Variants in PNPLA7 observed in about 807,000 individuals in gnomAD.
PNPLA7 encodes the protein patatin like domain 7, lysophospholipase, also known as patatin-like phospholipase domain-containing protein 7.
In PNPLA7, 153 loss-of-function variants were observed where a neutral mutation model predicts 161.7. That is an observed-to-expected ratio of 0.95 (90% CI 0.83 to 1.08). The LOEUF (loss-of-function observed/expected upper bound fraction) is 1.08, where lower values mean the gene tolerates loss of function less well. Ranked by LOEUF, PNPLA7 falls within the 50% of genes least tolerant of loss-of-function variation. The pLI is 0.00. For missense variants in PNPLA7, 1,739 were observed against 1,856.6 expected (o/e 0.94, Z 1.16); for synonymous variants, 809 against 782.1 (o/e 1.03, Z -0.57).
In PNPLA7 at chr9:137,479,032, G is replaced by A. The variant is rs1463875390; in HGVS notation, c.2763+24C>T. 6 of 1,535,400 alleles carry A rather than the reference G, an allele frequency of 3.9e-6. No homozygotes were observed. In the South Asian group the frequency reaches 4.8e-5, roughly 12 times the overall value. Reference sequence around the variant, plus strand: ...GAAATGAACCACGGAGCCACGGGCAGGCAGCCTCCTCTCCCCGCCTCACCA... The same window carrying A: ...GAAATGAACCACGGAGCCACGGGCAAGCAGCCTCCTCTCCCCGCCTCACCA... On this transcript the variant is annotated intron_variant, in intron 24 of 34. Transcript: ENST00000406427.
intron 1 of PNPLA7, among the ~76,000 whole-genome samples, chr9:137,549,854 T>G (rs1013706659): frequency 6.6e-6 from 1 of 151,560 alleles, no homozygotes; most frequent in African/African-American, 2.4e-5. Context: ...GAACTGGAAG[T>G]AGCAACTGTG....
intron 14 of PNPLA7, 64 bp from the exon 15 acceptor site, chr9:137,501,791 A>G: frequency 2.0e-6 from 3 of 1,515,640 alleles, no homozygotes; most frequent in Admixed American, 1.8e-5. Context: ...CAGAGAACAG[A>G]GGCTGCACTG....
chr9:137,461,811 A>G, intron 32 of PNPLA7, 120 bp downstream of exon 32: 11 of 1,250,750 alleles, frequency 8.8e-6, no homozygotes, highest in Non-Finnish European at 1.2e-5. Context: ...GTCTTTGGCC[A>G]GGGGGGCAGG....
intron 33 of PNPLA7, 67 bp from the exon 34 acceptor site, chr9:137,460,804 C>T (rs1831148245): frequency 1.3e-5 from 19 of 1,455,436 alleles, no homozygotes; most frequent in Non-Finnish European, 1.7e-5. Context: ...CATAGCCACA[C>T]TCAGAGGCAG....
In PNPLA7 at chr9:137,547,659, C is replaced by T; in HGVS notation, c.31G>A (p.Ala11Thr). ...AGGGCGGTGCCCAGGCAGAAGTCAGCCTGCAGCAGAGAGCATGGGGTCAGG... is the reference window on the plus strand; with the variant it reads ...AGGGCGGTGCCCAGGCAGAAGTCAGTCTGCAGCAGAGAGCATGGGGTCAGG... The part of the protein sequence containing the change: MEEEKDDSPQ[A>T]DFCLGTALHS... Residue 11 changes from alanine (A) to threonine (T), a missense_variant and splice_region_variant, in exon 2 of 35, where the codon GCT (alanine) becomes ACT (threonine). Around this residue, in one of 6 missense-constraint regions of PNPLA7, gnomAD observed 209 missense variants for 252.8 expected, o/e 0.83. Coordinates refer to ENST00000406427, the MANE Select transcript of PNPLA7 (RefSeq NM_001098537.3). This position sits in a 1 kb window ranked among gnomAD's most constrained non-coding sequence, Gnocchi z 4.6. 6.2e-7 allele frequency: 1 copy of T among 1,612,932 alleles called. No homozygotes were observed.
In PNPLA7 at chr9:137,479,144, T is replaced by C. The variant is rs944511877; in HGVS notation, c.2675A>G (p.Glu892Gly). The change falls in exon 24 of 35, where the codon GAG (glutamate) becomes GGG (glycine). Residue 892 changes from glutamate (E) to glycine (G), a missense_variant. Glu to Gly is a moderately conservative substitution (Grantham distance 98). This residue lies in a region of PNPLA7 where 703 missense variants were observed against 694.6 expected (regional missense o/e 1.01). Transcript: ENST00000406427. ...GCACCAGCTCCGCATGTTGAGCCACTCCACGGTGCGCGCTGGCGCCGGGCC... is the reference window on the plus strand; with the variant it reads ...GCACCAGCTCCGCATGTTGAGCCACCCCACGGTGCGCGCTGGCGCCGGGCC... ...EEGPAPARTV[E>G]WLNMRSWCSG... is the part of the protein sequence containing the mutation. The C allele has an allele frequency of 1.9e-6, 3 of 1,589,288 alleles. No individual in the cohort carries two copies. The African/African-American group carries it at 4.0e-5, about 21-fold the overall frequency.
In PNPLA7 at chr9:137,547,236, G is replaced by T. The variant is rs1051288844; in HGVS notation, c.193+73C>A. 5.5e-6 allele frequency: 8 copies of T among 1,443,562 alleles called. No homozygotes were observed. The highest frequency in any genetic ancestry group is 7.8e-6 in the Non-Finnish European group (8 of 1,027,770). The allele number at this position is 1,443,562 out of a possible 1,614,324, so 89.4% of individuals were successfully genotyped here. A position where few individuals can be genotyped will look rare whatever the true frequency, so the allele number is the denominator to read the frequency against. ...ATGCGCTTGAGGGCCCCTCCCAGGG[G>T]CTCAAAACACATCCCAAGACACCCA... On this transcript the variant is annotated intron_variant, in intron 3 of 34. Coordinates refer to ENST00000406427, the MANE Select transcript of PNPLA7 (RefSeq NM_001098537.3). This position sits in a 1 kb window ranked among gnomAD's most constrained non-coding sequence, Gnocchi z 4.6.
Position 137,467,541 on chromosome 9 carries a change from G to A in PNPLA7, c.2883-68C>T. ...CCAGGCTGCGCCCTGCAGAGGCCTT[G>A]TGCTCATCCTCAGTTCCCAACTCCT... On this transcript the variant is annotated intron_variant, in intron 25 of 34. Coordinates refer to ENST00000406427, the MANE Select transcript of PNPLA7 (RefSeq NM_001098537.3). This position sits in a 1 kb window ranked among gnomAD's most constrained non-coding sequence, Gnocchi z 5.1. The A allele has an allele frequency of 2.6e-6, 4 of 1,562,486 alleles. No individual in the cohort carries two copies. Among genetic ancestry groups the A allele is most frequent in the Non-Finnish European group, 3.5e-6 (4 of 1,150,942 alleles).
rs377479178 is a variant in PNPLA7 at position 137,519,941 on chromosome 9, G to A, written c.1060C>T (p.Arg354Trp). Residue 354 changes from arginine to tryptophan, a missense_variant, in exon 11 of 35, where the codon CGG becomes TGG. Physicochemically the swap from Arg to Trp is moderately radical, Grantham distance 101. Transcript: ENST00000406427. ...GEEERLKKPP[R>W]LQESCDSDHG... ...CCTGAGTCACAGGACTCCTGGAGCC[G>A]CGGTGGCTTTTTAAGCCGCTCTTCT... The A allele has an allele frequency of 2.9e-5, 47 of 1,612,522 alleles. No individual in the cohort carries two copies. The highest frequency in any genetic ancestry group is 4.4e-5 in the South Asian group (4 of 91,076).
At position 137,460,274 on chromosome 9, in the gene PNPLA7, C is replaced by T; in HGVS notation, c.*119G>A. The stretch of plus-strand genomic sequence containing the variant: ...GAGAACCCTAACACAGCCTGGGGCC[C>T]CGGGGAAGTCAGGGCTTCCAGCAGG... On this transcript the variant is annotated 3_prime_UTR_variant, in exon 35 of 35. Coordinates refer to ENST00000406427, the MANE Select transcript of PNPLA7 (RefSeq NM_001098537.3). 1 of 1,045,840 alleles carries T rather than the reference C, an allele frequency of 9.6e-7. No homozygotes were observed. Among genetic ancestry groups the T allele is most frequent in the Non-Finnish European group, 1.4e-6 (1 of 727,698 alleles). 64.8% of individuals were successfully genotyped at this position (1,045,840 alleles called of 1,614,324 possible). A position where few individuals can be genotyped will look rare whatever the true frequency, so the allele number is the denominator to read the frequency against.
intron 17 of PNPLA7, among the ~76,000 whole-genome samples, chr9:137,497,597 G>C (rs1833133202): frequency 6.6e-6 from 1 of 152,182 alleles, no homozygotes; most frequent in Non-Finnish European, 1.5e-5. Context: ...GCACGACCTC[G>C]GCTCACTGCA....
At chr9:137,477,521 C>T (rs1395525691) in intron 25 of PNPLA7, among the ~76,000 whole-genome samples, 1 of 152,014 alleles carries the variant, frequency 6.6e-6, no homozygotes, top group African/African-American at 2.4e-5. Flanking sequence ...ACGATCTTGG[C>T]TCACCACAAC....
intron 8 of PNPLA7, among the ~76,000 whole-genome samples, chr9:137,532,327 C>G (rs1420200501): frequency 1.3e-5 from 2 of 152,086 alleles, no homozygotes; most frequent in Non-Finnish European, 2.9e-5. Context: ...GTCCCAGCTA[C>G]TCGGGAGGCT....
chr9:137,528,613 C>T (rs1048409466), intron 8 of PNPLA7, among the ~76,000 whole-genome samples: 2 of 149,846 alleles, frequency 1.3e-5, no homozygotes, highest in Non-Finnish European at 3.0e-5. Flanking sequence ...GGTAATATTC[C>T]TTCATCTCAT....
Position 137,463,281 on chromosome 9 carries a change from T to C in PNPLA7, c.3343+134A>G, listed in dbSNP as rs1350819756. 8.9e-6 allele frequency: 7 copies of C among 789,048 alleles called. No individual in the cohort carries two copies. The Admixed American group carries it at 1.0e-4, about 12-fold the overall frequency. 48.9% of individuals were successfully genotyped at this position (789,048 alleles called of 1,614,324 possible). A position where few individuals can be genotyped will look rare whatever the true frequency, so the allele number is the denominator to read the frequency against. ...GAGCTCTGATGCCAGCCTGACATTTTCCCTTGGCATACTCTAAGGAAAACG... is the reference window on the plus strand; with the variant it reads ...GAGCTCTGATGCCAGCCTGACATTTCCCCTTGGCATACTCTAAGGAAAACG... On this transcript the variant is annotated intron_variant, in intron 29 of 34. Transcript: ENST00000406427.
At chr9:137,525,654 T>G (rs1835262764) in intron 8 of PNPLA7, among the ~76,000 whole-genome samples, 3 of 151,354 alleles carry the variant, frequency 2.0e-5, no homozygotes, top group South Asian at 2.1e-4. Context: ...CAGCCAGGTG[T>G]ACAGGGCGTA....
At chr9:137,502,786 C>T (rs1833555767) in intron 14 of PNPLA7, among the ~76,000 whole-genome samples, 1 of 54,144 alleles carries the variant, frequency 1.8e-5, no homozygotes, top group African/African-American at 8.4e-5. Context: ...GGCCGCTGGA[C>T]AGGGGGGCAC....
At chr9:137,498,050 C>T in intron 17 of PNPLA7, 64 bp downstream of exon 17, 1 of 1,576,428 alleles carries the variant, frequency 6.3e-7, no homozygotes, top group South Asian at 1.1e-5. Flanking sequence ...CGTGCTTTGC[C>T]CATCCCCAGC....
Position 137,478,021 on chromosome 9 carries a change from C to CG in PNPLA7, c.2882+12dup, listed in dbSNP as rs1832023034. 5.7e-6 allele frequency: 8 copies of CG among 1,410,826 alleles called. No homozygotes were observed. The highest frequency in any genetic ancestry group is 1.9e-4 in the Middle Eastern group (1 of 5,378). 87.4% of individuals were successfully genotyped at this position (1,410,826 alleles called of 1,614,324 possible). A position where few individuals can be genotyped will look rare whatever the true frequency, so the allele number is the denominator to read the frequency against. ...ACACCAGTGAGGAGTGTGTAGGAAG[C>CG]GGGGGGACTCACCTTGCTCCCCCTC... On this transcript the variant is annotated intron_variant, in intron 25 of 34. Coordinates refer to ENST00000406427, the MANE Select transcript of PNPLA7 (RefSeq NM_001098537.3).
Sources: allele counts gnomAD v4.1 joint callset (sites outside exome capture counted in the v4.1 genomes callset), GRCh38; gene constraint gnomAD v4.1.1; regional missense constraint gnomAD v4.1.1; non-coding constraint Gnocchi (gnomAD v3.1); transcripts MANE v1.5; gene names NCBI Gene and HGNC (gene_info 2026-07-23, HGNC 2026-07-21).